KDM2B: variants seen among roughly 807,000 people sequenced by gnomAD.
KDM2B encodes lysine demethylase 2B, also known as lysine-specific demethylase 2B.
In KDM2B, 26 loss-of-function variants were observed where a neutral mutation model predicts 150.0. The ratio of observed to expected loss-of-function variants is 0.17; its 90% CI spans 0.13 to 0.24. KDM2B has a LOEUF of 0.24. KDM2B is among the 10% of genes least tolerant of loss of function. KDM2B has a pLI of 1.00. For synonymous variants in KDM2B, 734 were observed against 729.5 expected, an observed-to-expected ratio of 1.01 and a Z score of -0.10; for missense variants, 1,265 against 1,816.9, an observed-to-expected ratio of 0.70 and a Z score of 5.52.
At chr12:121,512,045 A>G (rs1885634393) in intron 10 of KDM2B, among the ~76,000 whole-genome samples, 1 of 152,112 alleles carries the variant, frequency 6.6e-6, no homozygotes, top group Non-Finnish European at 1.5e-5. Flanking sequence ...TGTCCAAGTG[A>G]AAGAACCAAC....
chr12:121,565,599 C>T (rs749546687), intron 4 of KDM2B, among the ~76,000 whole-genome samples: 1 of 151,338 alleles, frequency 6.6e-6, no homozygotes, highest in South Asian at 2.1e-4. Context: ...TTAAAACGCG[C>T]GGGCCACCGC....
chr12:121,474,268 C>T (rs1434944509), intron 12 of KDM2B, among the ~76,000 whole-genome samples: 1 of 152,164 alleles, frequency 6.6e-6, no homozygotes, highest in Non-Finnish European at 1.5e-5. Flanking sequence ...AATCCCAGCA[C>T]TTTGGGAGGC....
chr12:121,423,367 GCT>G, the KDM2B span: 3 of 1,583,902 alleles, frequency 1.9e-6, no homozygotes, highest in African/African-American at 1.3e-5. This position sits in a 1 kb window ranked among gnomAD's most constrained non-coding sequence, Gnocchi z 4.3. Flanking sequence ...CGAGGCCTTA[GCT>G]CTCTGTTGCC....
intron 11 of KDM2B, among the ~76,000 whole-genome samples, chr12:121,504,873 A>T (rs1477386553): frequency 2.0e-5 from 3 of 152,004 alleles, no homozygotes; most frequent in East Asian, 3.9e-4. Flanking sequence ...TCCCAGCACT[A>T]TGGGAGGCCA....
At chr12:121,484,273 C>T (rs1333820073) in intron 12 of KDM2B, among the ~76,000 whole-genome samples, 1 of 151,956 alleles carries the variant, frequency 6.6e-6, no homozygotes, top group East Asian at 1.9e-4. Context: ...CAGGAGGCTC[C>T]CTGGTGAGGA....
At chr12:121,539,079 A>C (rs1594082362) in intron 6 of KDM2B, among the ~76,000 whole-genome samples, 1 of 151,436 alleles carries the variant, frequency 6.6e-6, no homozygotes, top group African/African-American at 2.4e-5. Context: ...CTTTCTCCAA[A>C]CCCCAGCCAC....
At chr12:121,561,800 T>A (rs781826910) in intron 4 of KDM2B, among the ~76,000 whole-genome samples, 1 of 152,168 alleles carries the variant, frequency 6.6e-6, no homozygotes, top group Non-Finnish European at 1.5e-5. Context: ...GTTTTTCCCA[T>A]TTGTGAAATG....
intron 4 of KDM2B, among the ~76,000 whole-genome samples, chr12:121,554,034 C>CACACAA (rs1491161913): frequency 9.7e-4 from 5 of 5,134 alleles, no homozygotes; most frequent in Middle Eastern, 0.036. Flanking sequence ...ACCCCAGCTC[C>CACACAA]ACACACACAC....
At position 121,506,846 on chromosome 12, in the gene KDM2B, G is replaced by A. The variant is rs573656169; in HGVS notation, c.1647+2721C>T. ...AGCTACTAGGGAGGCTGAGGCAGGA[G>A]AATCACTTGAACCCCAGAGGTGGAG... On this transcript the variant is annotated intron_variant, in intron 11 of 22. Transcript: ENST00000377071. Among the ~76,000 whole-genome samples, 5 of 152,208 alleles carry A rather than the reference G, an allele frequency of 3.3e-5. No individual in the cohort carries two copies. The South Asian group carries it at 1.0e-3, about 32-fold the overall frequency.
intron 8 of KDM2B, among the ~76,000 whole-genome samples, chr12:121,529,584 TCA>T (rs1445741042): frequency 1.3e-5 from 2 of 151,808 alleles, no homozygotes; most frequent in African/African-American, 4.8e-5. Context: ...TGTACGTGGC[TCA>T]GAGGGTGTGA....
intron 1 of KDM2B, chr12:121,579,868 A>G (rs1891818783): frequency 7.2e-7 from 1 of 1,395,282 alleles, no homozygotes; most frequent in African/African-American, 1.5e-5. Flanking sequence ...TTCCTTTTGC[A>G]TGCAATTTAT....
chr12:121,431,682 C>T (rs1017601441), intron 22 of KDM2B, among the ~76,000 whole-genome samples: 4 of 152,110 alleles, frequency 2.6e-5, no homozygotes, highest in Admixed American at 2.6e-4. Context: ...CTAGTCCTTT[C>T]AGACAGTGGC....
intron 4 of KDM2B, among the ~76,000 whole-genome samples, chr12:121,555,115 G>T: frequency 6.6e-6 from 1 of 152,178 alleles, no homozygotes; most frequent in South Asian, 2.1e-4. Flanking sequence ...AGAGGCTACA[G>T]TGAGCAATGG....
intron 10 of KDM2B, among the ~76,000 whole-genome samples, chr12:121,511,871 G>T (rs1207022523): frequency 6.6e-6 from 1 of 152,220 alleles, no homozygotes; most frequent in African/African-American, 2.4e-5. Context: ...GATGGAGGGG[G>T]TGTCTCCCTC....
At chr12:121,551,003 C>T (rs1351485317) in intron 4 of KDM2B, among the ~76,000 whole-genome samples, 3 of 150,742 alleles carry the variant, frequency 2.0e-5, no homozygotes, top group Non-Finnish European at 4.4e-5. Flanking sequence ...GCGACAATGG[C>T]AGAGCTAAGT....
At chr12:121,498,320 A>G (rs1424998698) in intron 11 of KDM2B, among the ~76,000 whole-genome samples, 1 of 152,158 alleles carries the variant, frequency 6.6e-6, no homozygotes, top group Non-Finnish European at 1.5e-5. Context: ...TTCAAGATGT[A>G]ACCGGACTGG....
intron 12 of KDM2B, among the ~76,000 whole-genome samples, chr12:121,477,671 G>A (rs143426366): frequency 0.054 from 8,000 of 149,064 alleles, 288 homozygotes; most frequent in Middle Eastern, 0.099. Context: ...TCTGCCTCCC[G>A]GGTTCAAGCG....
At chr12:121,519,486 G>T (rs1886505906) in intron 9 of KDM2B, among the ~76,000 whole-genome samples, 1 of 152,180 alleles carries the variant, frequency 6.6e-6, no homozygotes, top group Non-Finnish European at 1.5e-5. Flanking sequence ...CTACAATGTG[G>T]ATGAACCTGG....
In KDM2B at chr12:121,480,918, GTGTTTTTTTTGT is replaced by G. The variant is rs782346212; in HGVS notation, c.1734+13649_1734+13660del. ...AAAAAATGCTCTTTATAAGTGAGAG[GTGTTTTTTTTGT>G]TGTTTTTTTTTTTTTGAGATGGAGT... is the stretch of plus-strand genomic sequence containing the variant. On this transcript the variant is annotated intron_variant, in intron 12 of 22. Coordinates refer to ENST00000377071, the MANE Select transcript of KDM2B (RefSeq NM_032590.5). 0.014 allele frequency among the ~76,000 whole-genome samples: 2,012 copies of G among 145,982 alleles called. 48 individuals carry two copies. The East Asian group carries it at 0.14, about 10-fold the overall frequency.
Sources: gnomAD v4.1 joint callset for allele counts (sites outside exome capture counted in the v4.1 genomes callset) on GRCh38, gnomAD v4.1.1 for gene constraint, Gnocchi (gnomAD v3.1) non-coding constraint, MANE v1.5 for transcripts, NCBI Gene and HGNC (gene_info 2026-07-23, HGNC 2026-07-21) for gene names.